Variants in MCFD2 observed in about 807,000 individuals in gnomAD.
The protein encoded by MCFD2 is multiple coagulation factor deficiency 2, ER cargo receptor complex subunit.
A neutral mutation model predicts 12.8 loss-of-function variants in MCFD2; 11 were observed. The ratio of observed to expected loss-of-function variants is 0.86; its 90% confidence interval spans 0.54 to 1.42. The LOEUF (loss-of-function observed/expected upper bound fraction) is 1.42. MCFD2 is among the 40% of genes most tolerant of loss of function. The probability of loss-of-function intolerance (pLI) is 0.00; values close to 1 mark genes in which losing one functional copy is unlikely to be tolerated. For missense variants in MCFD2, 191 were observed against 178.6 expected, an observed-to-expected ratio of 1.07 and a Z score of -0.40; for synonymous variants, 70 against 68.1, an observed-to-expected ratio of 1.03 and a Z score of -0.14.
upstream of MCFD2, chr2:46,917,209 C>T (rs1200721572): frequency 8.6e-6 from 6 of 700,462 alleles, no homozygotes; most frequent in East Asian, 2.7e-5. Context: ...GTGCCCAGCT[C>T]GTCTCGAACT....
intron 3 of MCFD2, among the ~76,000 whole-genome samples, chr2:46,906,590 T>A (rs2103738456): frequency 6.7e-6 from 1 of 148,254 alleles, no homozygotes; most frequent in Admixed American, 6.8e-5. Flanking sequence ...GGCTCAGGTG[T>A]TCCTCCCCAC....
chr2:46,909,654 T>C (rs909974535), intron 1 of MCFD2, among the ~76,000 whole-genome samples: 1 of 152,120 alleles, frequency 6.6e-6, no homozygotes, highest in African/African-American at 2.4e-5. Context: ...TGGACAGATA[T>C]GCAGGGACTG....
Position 46,915,805 on chromosome 2 carries a change from C to CGGGGGGGGGGGGGGGGGGGGGGGGG in MCFD2, c.-90_-89insCCCCCCCCCCCCCCCCCCCCCCCCC. 2.4e-5 allele frequency: 9 copies of CGGGGGGGGGGGGGGGGGGGGGGGGG among 368,310 alleles called. No homozygotes were observed. Among genetic ancestry groups the CGGGGGGGGGGGGGGGGGGGGGGGGG allele is most frequent in the Non-Finnish European group, 2.4e-5 (8 of 327,190 alleles). The allele number at this position is 368,310 out of a possible 1,614,324, so 22.8% of individuals were successfully genotyped here. The stretch of plus-strand genomic sequence containing the variant: ...TCCCCAAAACGCTCTTCCTCGGCTT[C>CGGGGGGGGGGGGGGGGGGGGGGGGG]GCCCCGCCCCCCCCCCCCCCCCGAC... On this transcript the variant is annotated 5_prime_UTR_variant, in exon 1 of 4. Coordinates refer to ENST00000319466, the MANE Select transcript of MCFD2 (RefSeq NM_139279.6).
At position 46,940,825 on chromosome 2, in the gene MCFD2, G is replaced by T. The variant is rs1670267165; in HGVS notation, c.-8+747C>A. Among the ~76,000 whole-genome samples, 1 of 152,140 alleles carries T rather than the reference G, an allele frequency of 6.6e-6. No individual in the cohort carries two copies. On this transcript the variant is annotated intron_variant, in intron 1 of 2. Transcript: ENST00000409147. This position sits in a 1 kb window ranked among gnomAD's most constrained non-coding sequence, Gnocchi z 4.7. Reference sequence around the variant, plus strand: ...ACAGCGGCAGGCCAGCTCCCGGGAGGCTCGCCGTCGGGGTTGGGGCCTGTC... The same window carrying T: ...ACAGCGGCAGGCCAGCTCCCGGGAGTCTCGCCGTCGGGGTTGGGGCCTGTC...
At position 46,925,332 on chromosome 2, in the gene MCFD2, C is replaced by T. The variant is rs577261937; in HGVS notation, c.-8+16240G>A. Among the ~76,000 whole-genome samples, 77 of 152,152 alleles carry T rather than the reference C, an allele frequency of 5.1e-4. 2 individuals carry two copies. The South Asian group carries it at 8.7e-3, about 17-fold the overall frequency. ...CAGCACTTTGGGAGGCTAAGGTGGG[C>T]GGATCACTTGAGGTCAGGAGTTCGA... On this transcript the variant is annotated intron_variant, in intron 1 of 2. Transcript: ENST00000409147.
intron 1 of MCFD2, among the ~76,000 whole-genome samples, chr2:46,932,551 G>A (rs984498056): frequency 1.3e-5 from 2 of 151,948 alleles, no homozygotes; most frequent in East Asian, 3.9e-4. Flanking sequence ...AACAAAAAAT[G>A]TTTTTAAAAG....
chr2:46,910,178 C>G (rs1168624683), intron 1 of MCFD2, among the ~76,000 whole-genome samples: 2 of 152,176 alleles, frequency 1.3e-5, no homozygotes, highest in Non-Finnish European at 2.9e-5. Flanking sequence ...AGATGACAGT[C>G]AGCTACAGAG....
At chr2:46,920,752 C>T (rs1285019721), upstream of MCFD2, among the ~76,000 whole-genome samples, 1 of 151,898 alleles carries the variant, frequency 6.6e-6, no homozygotes, top group Non-Finnish European at 1.5e-5. Flanking sequence ...TGAACACTTC[C>T]TTCAAAGGCA....
chr2:46,934,350 C>T (rs1669858076), intron 1 of MCFD2, among the ~76,000 whole-genome samples: 2 of 152,190 alleles, frequency 1.3e-5, no homozygotes, highest in South Asian at 4.1e-4. Context: ...CCTCTGCCTT[C>T]CGGGTTCAAG....
At chr2:46,912,842 T>C (rs1668540116) in intron 1 of MCFD2, among the ~76,000 whole-genome samples, 1 of 152,188 alleles carries the variant, frequency 6.6e-6, no homozygotes, top group South Asian at 2.1e-4. Flanking sequence ...CTGTGTGCCA[T>C]GGTCCTTGGG....
At chr2:46,914,239 C>T (rs546929069) in intron 1 of MCFD2, 7 of 152,362 alleles carry the variant, frequency 4.6e-5, no homozygotes, top group African/African-American at 1.7e-4. Flanking sequence ...GGTGTGTCAT[C>T]AGTCCTATCA....
At chr2:46,929,662 C>T (rs1410018491) in intron 1 of MCFD2, among the ~76,000 whole-genome samples, 3 of 152,068 alleles carry the variant, frequency 2.0e-5, no homozygotes, top group Non-Finnish European at 2.9e-5. Context: ...TCCTTAAATG[C>T]ATGTATCTTA....
At chr2:46,924,153 A>G (rs60194846) in intron 1 of MCFD2, among the ~76,000 whole-genome samples, 9,048 of 151,234 alleles carry the variant, frequency 0.06, 472 homozygotes, top group African/African-American at 0.13. Flanking sequence ...GCAGTGAGCT[A>G]TGATCCTGCC....
At chr2:46,911,731 C>T (rs1471449688) in intron 1 of MCFD2, among the ~76,000 whole-genome samples, 1 of 151,350 alleles carries the variant, frequency 6.6e-6, no homozygotes, top group Non-Finnish European at 1.5e-5. Flanking sequence ...ACCACCCTGG[C>T]TAACACGGTG....
At chr2:46,921,834 G>A (rs1044839937) in intron 1 of MCFD2, among the ~76,000 whole-genome samples, 1 of 152,114 alleles carries the variant, frequency 6.6e-6, no homozygotes, top group African/African-American at 2.4e-5. Context: ...AGTAGGGTTC[G>A]CGTTCCTGTG....
intron 3 of MCFD2, among the ~76,000 whole-genome samples, chr2:46,906,470 C>G (rs555873955): frequency 2.1e-5 from 3 of 143,728 alleles, no homozygotes; most frequent in East Asian, 2.1e-4. Flanking sequence ...TGTGGAGGCA[C>G]GAGGATTTTT....
upstream of MCFD2, chr2:46,915,806 G>GGGGGGGGGGGGGGCGC: frequency 2.0e-6 from 1 of 512,582 alleles, no homozygotes; most frequent in Non-Finnish European, 2.1e-6. Context: ...CCTCGGCTTC[G>GGGGGGGGGGGGGGCGC]CCCCGCCCCC....
intron 1 of MCFD2, among the ~76,000 whole-genome samples, chr2:46,911,586 A>C (rs577832906): frequency 1.3e-5 from 2 of 152,304 alleles, no homozygotes; most frequent in Admixed American, 1.3e-4. Context: ...TGTATTTCCT[A>C]CACAAACTAA....
intron 1 of MCFD2, among the ~76,000 whole-genome samples, chr2:46,911,516 G>A (rs1428687760): frequency 6.6e-6 from 1 of 151,286 alleles, no homozygotes; most frequent in Admixed American, 6.6e-5. Context: ...TATATTGAAT[G>A]AAAAAGAACA....
Sources: allele counts gnomAD v4.1 joint callset (sites outside exome capture counted in the v4.1 genomes callset), GRCh38; gene constraint gnomAD v4.1.1; non-coding constraint Gnocchi (gnomAD v3.1); transcripts MANE v1.5; gene names NCBI Gene and HGNC (gene_info 2026-07-23, HGNC 2026-07-21).